The following LY6S variants were observed in gnomAD, a reference collection of about 807,000 sequenced individuals.
The protein encoded by LY6S is lymphocyte antigen 6 family member S, also known as lymphocyte antigen 6S.
the LY6S span, among the ~76,000 whole-genome samples, chr8:143,075,603 C>A: frequency 6.6e-6 from 1 of 152,110 alleles, no homozygotes; most frequent in Non-Finnish European, 1.5e-5. The surrounding 1 kb of genome is among the most constrained non-coding windows in gnomAD (Gnocchi z 4.1). Flanking sequence ...ACTTAGGAAG[C>A]TGAGACAGGA....
chr8:143,044,826 C>T, the LY6S span: 9 of 1,363,120 alleles, frequency 6.6e-6, no homozygotes, highest in South Asian at 1.0e-4. Context: ...AGGTGGGTGA[C>T]TGCAGCACAT....
At chr8:143,042,558 G>T in the LY6S span, 1 of 172,862 alleles carries the variant, frequency 5.8e-6, no homozygotes, top group East Asian at 1.7e-4. Context: ...AGGTCAGAGT[G>T]GCAGGTGGGC....
chr8:143,073,552 G>A, the LY6S span, among the ~76,000 whole-genome samples: 10 of 140,716 alleles, frequency 7.1e-5, no homozygotes, highest in African/African-American at 1.7e-4. Context: ...CCTGTTTGAG[G>A]AGACAGCCGT....
chr8:143,058,304 C>T, the LY6S span, among the ~76,000 whole-genome samples: 1 of 152,116 alleles, frequency 6.6e-6, no homozygotes, highest in Non-Finnish European at 1.5e-5. Context: ...TCTGGCTGCA[C>T]TGATATTTAT....
the LY6S span, among the ~76,000 whole-genome samples, chr8:143,065,111 G>A: frequency 6.6e-6 from 1 of 152,184 alleles, no homozygotes; most frequent in South Asian, 2.1e-4. Context: ...GATGGATGTT[G>A]TCATCGTGGG....
the LY6S span, among the ~76,000 whole-genome samples, chr8:143,047,204 A>G: frequency 6.6e-6 from 1 of 150,706 alleles, no homozygotes; most frequent in Non-Finnish European, 1.5e-5. Context: ...CAATGGTGCC[A>G]TCTCAGCTCA....
chr8:143,050,926 CG>C, the LY6S span, among the ~76,000 whole-genome samples: 1 of 152,314 alleles, frequency 6.6e-6, no homozygotes, highest in South Asian at 2.1e-4. Flanking sequence ...GGCTCGGGGT[CG>C]GGGAAAGGCG....
At chr8:143,066,255 G>A in the LY6S span, 24 of 215,540 alleles carry the variant, frequency 1.1e-4, 1 homozygote, top group Non-Finnish European at 1.9e-4. Context: ...TACAACCTCC[G>A]CCTCCCAGGT....
the LY6S span, among the ~76,000 whole-genome samples, chr8:143,040,900 CT>C: frequency 6.6e-6 from 1 of 152,128 alleles, no homozygotes; most frequent in Non-Finnish European, 1.5e-5. Flanking sequence ...GTGATGCCCC[CT>C]GAGCCGTAAA....
chr8:143,044,596 G>A, the LY6S span: 1 of 1,251,780 alleles, frequency 8.0e-7, no homozygotes, highest in African/African-American at 1.6e-5. Context: ...AGGGCTTGTA[G>A]GGGGACCTTG....
the LY6S span, chr8:143,044,855 G>A: frequency 1.5e-6 from 2 of 1,319,612 alleles, no homozygotes; most frequent in Admixed American, 2.1e-5. Context: ...ATACACCAAT[G>A]CCCTGGTGAG....
At chr8:143,046,233 G>A in the LY6S span, among the ~76,000 whole-genome samples, 1 of 152,300 alleles carries the variant, frequency 6.6e-6, no homozygotes, top group South Asian at 2.1e-4. Flanking sequence ...GGGAGGCCAA[G>A]GCAGGAAGAT....
At chr8:143,066,143 G>A in the LY6S span, 73 of 159,550 alleles carry the variant, frequency 4.6e-4, no homozygotes, top group African/African-American at 2.8e-3. Flanking sequence ...TGTTTCCAAT[G>A]ATGAATTTCT....
the LY6S span, among the ~76,000 whole-genome samples, chr8:143,050,036 G>A: frequency 5.9e-5 from 9 of 152,234 alleles, no homozygotes; most frequent in Admixed American, 3.9e-4. Context: ...TGGGAGAAAC[G>A]CCTGGTCCGG....
At chr8:143,049,365 G>T in the LY6S span, 1 of 496,218 alleles carries the variant, frequency 2.0e-6, no homozygotes. Context: ...AGCTGACAAT[G>T]AAAAGTGGTC....
chr8:143,043,176 AG>A, the LY6S span: 7 of 1,367,766 alleles, frequency 5.1e-6, no homozygotes, highest in East Asian at 2.3e-4. Context: ...CTGTACGCAC[AG>A]GGCCCAGGGG....
the LY6S span, chr8:143,066,541 C>T: frequency 3.5e-5 from 11 of 313,450 alleles, no homozygotes; most frequent in Admixed American, 9.3e-5. Flanking sequence ...CTGCACATGG[C>T]TGTGGCCCTT....
the LY6S span, chr8:143,043,080 G>C: frequency 7.3e-7 from 1 of 1,367,712 alleles, no homozygotes; most frequent in African/African-American, 1.5e-5. Flanking sequence ...GACGCACAGG[G>C]ACAGAGGGTA....
the LY6S span, among the ~76,000 whole-genome samples, chr8:143,047,232 C>G: frequency 6.6e-6 from 1 of 151,448 alleles, no homozygotes; most frequent in African/African-American, 2.4e-5. Context: ...CTCTGCCTCC[C>G]GGGTTCAAGT....
Sources: allele counts gnomAD v4.1 joint callset (sites outside exome capture counted in the v4.1 genomes callset), GRCh38; gene constraint gnomAD v4.1.1; non-coding constraint Gnocchi (gnomAD v3.1); transcripts MANE v1.5; gene names NCBI Gene and HGNC (gene_info 2026-07-23, HGNC 2026-07-21).